The following MPPE1 variants were observed in gnomAD, a reference collection of about 807,000 sequenced individuals.
MPPE1 encodes the protein metallo phosphoesterase.
Under a neutral mutation model 43.8 loss-of-function variants are expected in MPPE1, and 28 were observed. The observed-to-expected ratio is 0.64, with a 90% CI of 0.47 to 0.88. MPPE1 has a LOEUF of 0.88. MPPE1 is among the 40% of genes least tolerant of loss of function. The pLI is 0.00. For synonymous variants in MPPE1, 159 were observed against 188.5 expected (o/e 0.84, Z 1.28); for missense variants, 428 against 492.2 (o/e 0.87, Z 1.23).
chr18:11,890,132 C>CG (rs1179646172), intron 4 of MPPE1, among the ~76,000 whole-genome samples: 3 of 151,288 alleles, frequency 2.0e-5, no homozygotes, highest in Non-Finnish European at 2.9e-5. Context: ...TTAGTAGAGA[C>CG]GGGGTTTCAC....
chr18:11,903,681 C>G (rs991762625), intron 2 of MPPE1, among the ~76,000 whole-genome samples: 3 of 152,286 alleles, frequency 2.0e-5, no homozygotes, highest in African/African-American at 7.2e-5. Context: ...TTGCAGGTGC[C>G]TATAGTCCCA....
intron 9 of MPPE1, 63 bp from the exon 10 acceptor site, chr18:11,885,879 G>T (rs541492326): frequency 1.3e-6 from 2 of 1,482,256 alleles, no homozygotes; most frequent in Non-Finnish European, 1.8e-6. Flanking sequence ...GGCTCTCACC[G>T]CTCAGCAGAC....
chr18:11,882,703 A>AT lies in MPPE1; in HGVS notation c.*1741_*1742insA, dbSNP rs1567911422. On this transcript the variant is annotated 3_prime_UTR_variant, in exon 11 of 11. Transcript: ENST00000588072. Reference sequence around the variant, plus strand: ...TCAGGCCAAAAAAAAAAAAAAAAAAAACCTTGACGTGTCAATGTTTGTGTC... The same window carrying AT: ...TCAGGCCAAAAAAAAAAAAAAAAAAATACCTTGACGTGTCAATGTTTGTGTC... 6.6e-6 allele frequency: 1 copy of AT among 151,470 alleles called. No homozygotes were observed. The highest frequency in any genetic ancestry group is 2.1e-4 in the South Asian group (1 of 4,772). The allele number at this position is 151,470 out of a possible 1,614,324, so 9.4% of individuals were successfully genotyped here.
At chr18:11,904,091 T>G (rs603762) in intron 2 of MPPE1, among the ~76,000 whole-genome samples, 116,414 of 152,004 alleles carry the variant, frequency 0.77, 45,746 homozygotes, top group African/African-American at 0.94. Flanking sequence ...TTTCCAAAAA[T>G]GAATTTAAAA....
chr18:11,905,496 G>T (rs149457911), intron 2 of MPPE1: 1 of 152,144 alleles, frequency 6.6e-6, no homozygotes, highest in African/African-American at 2.4e-5. Context: ...GCCTGATAGG[G>T]TGGGGGAAGA....
chr18:11,889,379 CTACT>C lies in MPPE1; in HGVS notation c.494+4_494+7del. ...TCTCAGGGTGCAGGGCTTTTGTGAACTACTTACTCATAATGGAAGCCAATGTCAT... is the reference window on the plus strand; with the variant it reads ...TCTCAGGGTGCAGGGCTTTTGTGAACTACTCATAATGGAAGCCAATGTCAT... On this transcript the variant is annotated splice_donor_5th_base_variant and intron_variant, in intron 5 of 10. Coordinates refer to ENST00000588072, the MANE Select transcript of MPPE1 (RefSeq NM_023075.6). 1 of 1,579,390 alleles carries C rather than the reference CTACT, an allele frequency of 6.3e-7. No individual in the cohort carries two copies. Among genetic ancestry groups the C allele is most frequent in the South Asian group, 1.1e-5 (1 of 89,262 alleles).
At chr18:11,906,557 C>T (rs1166971986) in intron 1 of MPPE1, among the ~76,000 whole-genome samples, 2 of 152,080 alleles carry the variant, frequency 1.3e-5, no homozygotes, top group Admixed American at 6.6e-5. Context: ...TAATTGGGAG[C>T]CAAATATTTT....
At chr18:11,884,938 CAG>C (rs2036959164) in intron 10 of MPPE1, 3 of 1,287,136 alleles carry the variant, frequency 2.3e-6, no homozygotes, top group African/African-American at 3.0e-5. Context: ...GGATCCATAA[CAG>C]AGATTCAGAG....
intron 4 of MPPE1, among the ~76,000 whole-genome samples, chr18:11,890,879 TA>T (rs1239127286): frequency 6.6e-6 from 1 of 152,154 alleles, no homozygotes; most frequent in African/African-American, 2.4e-5. Context: ...AAACCAGAAC[TA>T]ATGAGATGTG....
At chr18:11,901,138 A>G (rs901879851) in intron 2 of MPPE1, among the ~76,000 whole-genome samples, 1 of 152,152 alleles carries the variant, frequency 6.6e-6, no homozygotes, top group East Asian at 1.9e-4. Flanking sequence ...AGGGTAGGCA[A>G]TGGTGAAATG....
chr18:11,885,261 T>C, intron 10 of MPPE1: 1 of 272,648 alleles, frequency 3.7e-6, no homozygotes, highest in South Asian at 3.7e-5. Context: ...GGTCATTAAG[T>C]GAAACATCTT....
rs1340149622 is a variant in MPPE1, at chr18:11,897,328, G to T, written c.-64C>A. The T allele has an allele frequency of 1.2e-5, 12 of 988,604 alleles. No homozygotes were observed. The highest frequency in any genetic ancestry group is 8.1e-5 in the African/African-American group (5 of 61,386). The allele number at this position is 988,604 out of a possible 1,614,324, so 61.2% of individuals were successfully genotyped here. A position where few individuals can be genotyped will look rare whatever the true frequency, so the allele number is the denominator to read the frequency against. On this transcript the variant is annotated 5_prime_UTR_variant, in exon 3 of 11. Coordinates refer to ENST00000588072, the MANE Select transcript of MPPE1 (RefSeq NM_023075.6). ...AGAAAACTGCAGAGCCCTGGGGAGG[G>T]TGATGGCATTCAGGTCTTAGCTGGG...
Position 11,886,966 on chromosome 18 carries a change from G to A in MPPE1, c.629C>T (p.Thr210Ile). The change falls in exon 7 of 11, where the codon ACA becomes ATA. Residue 210 changes from threonine (T) to isoleucine (I), a missense_variant. Coordinates refer to ENST00000588072, the MANE Select transcript of MPPE1 (RefSeq NM_023075.6). This position sits in a 1 kb window ranked among gnomAD's most constrained non-coding sequence, Gnocchi z 4.1. Reference protein sequence around the residue: ...NGDGCGICSETEAELIEVSHR... With the variant: ...NGDGCGICSEIEAELIEVSHR... ...AGAAACTTCAATGAGCTCTGCTTCT[G>A]TTTCAGAGCAGATGCCACAGCCATC... 3 of 1,613,930 alleles carry A rather than the reference G, an allele frequency of 1.9e-6. No homozygotes were observed. The highest frequency in any genetic ancestry group is 2.2e-5 in the East Asian group (1 of 44,872).
chr18:11,905,926 A>T (rs2039672446), intron 2 of MPPE1: 1 of 152,244 alleles, frequency 6.6e-6, no homozygotes, highest in Non-Finnish European at 1.5e-5. Flanking sequence ...CCTGAACCTC[A>T]CAACCCGCAG....
rs200136439 is a variant in MPPE1 at position 11,883,819 on chromosome 18, C to CCCAAAT, written c.*625_*626insATTTGG. On this transcript the variant is annotated 3_prime_UTR_variant, in exon 11 of 11. Transcript: ENST00000588072. The stretch of plus-strand genomic sequence containing the variant: ...TCAAGGGATTCTCCTGCCTCAGCCT[C>CCCAAAT]AGCTGGTATTATAGGCACTTGCTAC... 1 of 152,152 alleles carries CCCAAAT rather than the reference C, an allele frequency of 6.6e-6. No homozygotes were observed. The highest frequency in any genetic ancestry group is 2.4e-5 in the African/African-American group (1 of 41,358). The allele number at this position is 152,152 out of a possible 1,614,324, so 9.4% of individuals were successfully genotyped here.
chr18:11,885,182 G>A (rs2037003739), intron 10 of MPPE1: 1 of 594,494 alleles, frequency 1.7e-6, no homozygotes, highest in Non-Finnish European at 2.4e-6. Flanking sequence ...TGAAGTAAAA[G>A]AACCTGTCGT....
In MPPE1 at chr18:11,882,973, T is replaced by C. The variant is rs2036745508; in HGVS notation, c.*1472A>G. 1 of 152,164 alleles carries C rather than the reference T, an allele frequency of 6.6e-6. No individual in the cohort carries two copies. Among genetic ancestry groups the C allele is most frequent in the African/African-American group, 2.4e-5 (1 of 41,452 alleles). The allele number at this position is 152,164 out of a possible 1,614,324, so 9.4% of individuals were successfully genotyped here. A position where few individuals can be genotyped will look rare whatever the true frequency, so the allele number is the denominator to read the frequency against. On this transcript the variant is annotated 3_prime_UTR_variant, in exon 11 of 11. Transcript: ENST00000588072. ...GGTAGTTTTTGTAGGTCTAAAATAATAATCTATAAAGATGTCCAAAGTTAA... is the reference window on the plus strand; with the variant it reads ...GGTAGTTTTTGTAGGTCTAAAATAACAATCTATAAAGATGTCCAAAGTTAA...
chr18:11,886,390 T>A lies in MPPE1; in HGVS notation c.867+109A>T, dbSNP rs577198910. 7 of 1,504,416 alleles carry A rather than the reference T, an allele frequency of 4.7e-6. No individual in the cohort carries two copies. The Admixed American group carries it at 5.1e-5, about 11-fold the overall frequency. The allele number at this position is 1,504,416 out of a possible 1,614,324, so 93.2% of individuals were successfully genotyped here. ...GTCCCCCCAGGTGATAACTAAGTCA[T>A]GAACGTTTCAGCAAACACCTGCTCT... is the stretch of plus-strand genomic sequence containing the variant. On this transcript the variant is annotated intron_variant, in intron 9 of 10. Transcript: ENST00000588072. The surrounding 1 kb of genome is among the most constrained non-coding windows in gnomAD (Gnocchi z 4.1).
At chr18:11,885,640 T>A in intron 10 of MPPE1, 36 bp downstream of exon 10, 1 of 1,594,102 alleles carries the variant, frequency 6.3e-7, no homozygotes, top group East Asian at 2.3e-5. Context: ...TAAATACTTA[T>A]GAAAGCTTTC....
Sources: allele counts gnomAD v4.1 joint callset (sites outside exome capture counted in the v4.1 genomes callset), GRCh38; gene constraint gnomAD v4.1.1; non-coding constraint Gnocchi (gnomAD v3.1); transcripts MANE v1.5; gene names NCBI Gene and HGNC (gene_info 2026-07-23, HGNC 2026-07-21).